Variants in NAV2 observed in about 807,000 individuals in gnomAD.
The protein encoded by NAV2 is helicase, APC down-regulated 1.
NAV2 carries 54 observed loss-of-function variants against 223.2 expected under a neutral mutation model. The ratio of observed to expected loss-of-function variants is 0.24; its 90% CI spans 0.19 to 0.30. The LOEUF (loss-of-function observed/expected upper bound fraction) is 0.30. Among genes scored for constraint, NAV2 ranks in the 10% least tolerant of loss-of-function variants. The probability of loss-of-function intolerance (pLI) is 1.00; values close to 1 mark genes in which losing one functional copy is unlikely to be tolerated. For synonymous variants in NAV2, 1,279 were observed against 1,239.3 expected (o/e 1.03, Z -0.67); for missense variants, 2,806 against 3,147.5 (o/e 0.89, Z 2.60).
At chr11:19,547,631 CT>C (rs1005003788) in intron 1 of NAV2, among the ~76,000 whole-genome samples, 2 of 152,026 alleles carry the variant, frequency 1.3e-5, no homozygotes, top group Non-Finnish European at 2.9e-5. Flanking sequence ...CTTTCATTTT[CT>C]TTTTTCTTGG....
At chr11:19,503,104 A>C (rs77833388) in intron 1 of NAV2, 1 of 152,222 alleles carries the variant, frequency 6.6e-6, no homozygotes, top group African/African-American at 2.4e-5. Flanking sequence ...GATTAAATTG[A>C]TTAAATTGAG....
intron 1 of NAV2, among the ~76,000 whole-genome samples, chr11:19,687,218 C>T (rs576301670): frequency 1.3e-5 from 2 of 152,196 alleles, no homozygotes; most frequent in Non-Finnish European, 2.9e-5. Context: ...CCAGCATCTC[C>T]GAAACACTGG....
intron 11 of NAV2, among the ~76,000 whole-genome samples, chr11:20,004,977 G>A (rs1311955196): frequency 6.6e-6 from 1 of 152,086 alleles, no homozygotes; most frequent in African/African-American, 2.4e-5. Context: ...GTGCTTCTTG[G>A]TGGAGTTGTG....
intron 6 of NAV2, among the ~76,000 whole-genome samples, chr11:19,924,295 T>TAAAA (rs76734395): frequency 1.5e-5 from 2 of 129,608 alleles, no homozygotes; most frequent in African/African-American, 3.0e-5. Flanking sequence ...GGTAATTCTT[T>TAAAA]AAAAAAAAAA....
At chr11:19,587,025 C>T (rs1219810763) in intron 1 of NAV2, among the ~76,000 whole-genome samples, 2 of 152,226 alleles carry the variant, frequency 1.3e-5, no homozygotes, top group South Asian at 4.1e-4. Context: ...GTGGGCTCCA[C>T]CCAGTTCGAG....
At chr11:20,020,347 T>G (rs1436946261) in intron 11 of NAV2, among the ~76,000 whole-genome samples, 2 of 152,194 alleles carry the variant, frequency 1.3e-5, no homozygotes, top group African/African-American at 2.4e-5. Context: ...GTGTTATGAG[T>G]TCTGGGAGCC....
At chr11:19,612,151 C>T (rs536961014) in intron 1 of NAV2, among the ~76,000 whole-genome samples, 6 of 152,350 alleles carry the variant, frequency 3.9e-5, no homozygotes, top group African/African-American at 1.2e-4. Flanking sequence ...TCAGCCATGG[C>T]TGGAGCAGCT....
intron 19 of NAV2, among the ~76,000 whole-genome samples, chr11:20,057,420 T>G (rs1031739261): frequency 2.0e-5 from 3 of 152,152 alleles, no homozygotes; most frequent in African/African-American, 7.2e-5. Flanking sequence ...TAAATCCATA[T>G]ATGGGAAGCT....
intron 22 of NAV2, among the ~76,000 whole-genome samples, chr11:20,073,330 G>T (rs1019235536): frequency 4.6e-5 from 7 of 152,194 alleles, no homozygotes; most frequent in Admixed American, 2.0e-4. Flanking sequence ...TGCTGGATTT[G>T]GTTTGCCAGT....
At chr11:19,370,109 C>G (rs1455202013) in intron 1 of NAV2, among the ~76,000 whole-genome samples, 1 of 152,196 alleles carries the variant, frequency 6.6e-6, no homozygotes, top group African/African-American at 2.4e-5. Context: ...ATCGATTTCC[C>G]CTTCTCCCTG....
At chr11:19,391,578 G>C (rs1450220524) in intron 1 of NAV2, among the ~76,000 whole-genome samples, 1 of 152,162 alleles carries the variant, frequency 6.6e-6, no homozygotes, top group Non-Finnish European at 1.5e-5. Context: ...GTCCCTGTAA[G>C]TAGCAGGAAC....
intron 4 of NAV2, among the ~76,000 whole-genome samples, chr11:19,871,138 TA>T (rs1375710564): frequency 6.6e-6 from 1 of 152,164 alleles, no homozygotes. Context: ...ATAACTGCCT[TA>T]ACTGTGCTAT....
intron 22 of NAV2, among the ~76,000 whole-genome samples, chr11:20,072,429 T>G (rs529809978): frequency 3.0e-4 from 44 of 147,436 alleles, no homozygotes; most frequent in African/African-American, 1.1e-3. Context: ...TCTTTTTTGG[T>G]TCCATATGAA....
chr11:19,413,403 C>A (rs992557586), intron 1 of NAV2, among the ~76,000 whole-genome samples: 1 of 152,100 alleles, frequency 6.6e-6, no homozygotes, highest in African/African-American at 2.4e-5. Context: ...TGAACAAATC[C>A]TCCAAGAAAT....
intron 1 of NAV2, among the ~76,000 whole-genome samples, chr11:19,486,794 A>T (rs561558651): frequency 4.6e-5 from 7 of 152,200 alleles, no homozygotes; most frequent in Non-Finnish European, 8.8e-5. Flanking sequence ...CTCAGGCATC[A>T]TCTTCTCTCT....
intron 6 of NAV2, among the ~76,000 whole-genome samples, chr11:19,912,851 C>A (rs913932498): frequency 1.3e-5 from 2 of 152,198 alleles, no homozygotes; most frequent in South Asian, 2.1e-4. Context: ...TGAACAGAAC[C>A]TTTTAGTGCA....
intron 2 of NAV2, among the ~76,000 whole-genome samples, chr11:19,842,039 T>C (rs2060541125): frequency 6.6e-6 from 1 of 152,204 alleles, no homozygotes; most frequent in South Asian, 2.1e-4. Context: ...CGCTAACGTA[T>C]CTTTGCCTCC....
intron 1 of NAV2, among the ~76,000 whole-genome samples, chr11:19,700,861 A>G (rs538254503): frequency 9.8e-5 from 15 of 152,348 alleles, no homozygotes; most frequent in African/African-American, 3.6e-4. Flanking sequence ...ATTCTTACTA[A>G]CATTTTATCA....
chr11:20,078,206 G>A (rs2059881078), intron 24 of NAV2, 102 bp downstream of exon 24: 2 of 824,842 alleles, frequency 2.4e-6, no homozygotes, highest in Non-Finnish European at 4.0e-6. Flanking sequence ...GACAGTGTCT[G>A]CGTAATTCAG....
Sources: gnomAD v4.1 joint callset for allele counts (sites outside exome capture counted in the v4.1 genomes callset) on GRCh38, gnomAD v4.1.1 for gene constraint, MANE v1.5 for transcripts, NCBI Gene and HGNC (gene_info 2026-07-23, HGNC 2026-07-21) for gene names.